Variants in ESYT2 observed in about 807,000 individuals in gnomAD.
ESYT2 encodes extended synaptotagmin-2.
In ESYT2, 54 loss-of-function variants were observed where a neutral mutation model predicts 107.2. The observed-to-expected ratio is 0.50, with a 90% CI of 0.40 to 0.63. The LOEUF (loss-of-function observed/expected upper bound fraction) is 0.63, where lower values mean the gene tolerates loss of function less well. ESYT2 is among the 30% of genes least tolerant of loss of function. ESYT2 has a pLI of 0.00. For synonymous variants in ESYT2, 491 were observed against 434.1 expected, an observed-to-expected ratio of 1.13 and a Z score of -1.63; for missense variants, 1,020 against 1,094.5, an observed-to-expected ratio of 0.93 and a Z score of 0.96.
chr7:158,763,781 T>C (rs538581766), intron 9 of ESYT2, among the ~76,000 whole-genome samples: 1 of 152,152 alleles, frequency 6.6e-6, no homozygotes, highest in East Asian at 1.9e-4. Flanking sequence ...ACCCACAAGC[T>C]TGGTGCAAGG....
chr7:158,766,226 T>TC (rs1236714740), intron 8 of ESYT2, among the ~76,000 whole-genome samples: 1 of 151,994 alleles, frequency 6.6e-6, no homozygotes, highest in Non-Finnish European at 1.5e-5. Context: ...GGAATACATG[T>TC]CCCCCCACAG....
intron 1 of ESYT2, among the ~76,000 whole-genome samples, chr7:158,821,996 C>T (rs1348862495): frequency 6.6e-6 from 1 of 152,078 alleles, no homozygotes; most frequent in Non-Finnish European, 1.5e-5. Context: ...CACCACAGCC[C>T]GCCTCCCAGG....
intron 3 of ESYT2, among the ~76,000 whole-genome samples, chr7:158,796,292 T>A (rs1336001376): frequency 6.6e-6 from 1 of 152,142 alleles, no homozygotes; most frequent in African/African-American, 2.4e-5. Flanking sequence ...CTTCCCATGA[T>A]CAACTAAATG....
In ESYT2 at chr7:158,767,663, AG is replaced by A. The variant is rs1563638313; in HGVS notation, c.914del (p.Pro305LeufsTer7). ...GCCGGGACACGCTTACCTTTGGTACAGGAAACCGCAACTGAGCTATTTGAAC... is the reference window on the plus strand; with the variant it reads ...GCCGGGACACGCTTACCTTTGGTACAGAAACCGCAACTGAGCTATTTGAAC... The part of the protein sequence containing the change: ...SEVQIAQLRF[P>X]VPKGVLRIHF... On this transcript the variant is annotated frameshift_variant, in exon 8 of 23. Coordinates refer to ENST00000275418, the MANE Select transcript of ESYT2 (RefSeq NM_001367773.1). LOFTEE classifies it high-confidence loss of function. The A allele has an allele frequency of 1.2e-6, 2 of 1,612,088 alleles. No individual in the cohort carries two copies. Among genetic ancestry groups the A allele is most frequent in the Non-Finnish European group, 1.7e-6 (2 of 1,179,008 alleles).
At chr7:158,742,541 A>G (rs578121405) in intron 17 of ESYT2, among the ~76,000 whole-genome samples, 257 of 152,342 alleles carry the variant, frequency 1.7e-3, no homozygotes, top group Non-Finnish European at 3.0e-3. Flanking sequence ...CGGCGTCCCC[A>G]GAGGGAGGAA....
At chr7:158,799,152 T>C (rs1451095554) in intron 1 of ESYT2, 80 bp from the exon 2 acceptor site, 3 of 1,226,418 alleles carry the variant, frequency 2.4e-6, no homozygotes, top group Non-Finnish European at 3.6e-6. Context: ...TTTCATATTC[T>C]CATCATACGT....
rs143582035 is a variant in ESYT2 at position 158,776,237 on chromosome 7, G to A, written c.748-2841C>T. ...TAAGGGCCCAAGGGTCTTCAGAATG[G>A]GAAATGAGTGCTTACTTCAACTTAA... On this transcript the variant is annotated intron_variant, in intron 6 of 22. Transcript: ENST00000275418. Among the ~76,000 whole-genome samples the A allele has an allele frequency of 7.2e-5, 11 of 152,250 alleles. No homozygotes were observed. The East Asian group carries it at 2.1e-3, about 30-fold the overall frequency.
chr7:158,742,531 C>T (rs1237733359), intron 17 of ESYT2, among the ~76,000 whole-genome samples: 4 of 152,236 alleles, frequency 2.6e-5, no homozygotes, highest in South Asian at 2.1e-4. Flanking sequence ...GGTTTCCACC[C>T]GGCGTCCCCA....
chr7:158,749,760 A>C, intron 14 of ESYT2, 37 bp from the exon 15 acceptor site: 1 of 1,592,296 alleles, frequency 6.3e-7, no homozygotes. Flanking sequence ...AAAATAAATA[A>C]ACACATTTTA....
chr7:158,816,916 A>G (rs541515542), intron 1 of ESYT2, among the ~76,000 whole-genome samples: 1 of 152,260 alleles, frequency 6.6e-6, no homozygotes, highest in Non-Finnish European at 1.5e-5. Context: ...ATATTAATGT[A>G]GACGGTGTTA....
chr7:158,817,360 G>A (rs1284207498), intron 1 of ESYT2, among the ~76,000 whole-genome samples: 1 of 152,226 alleles, frequency 6.6e-6, no homozygotes, highest in Non-Finnish European at 1.5e-5. Context: ...AGGTAATCCA[G>A]ACATTCCTTT....
chr7:158,781,034 G>C (rs1361620615), intron 6 of ESYT2, among the ~76,000 whole-genome samples: 1 of 152,260 alleles, frequency 6.6e-6, no homozygotes, highest in Non-Finnish European at 1.5e-5. Context: ...AAGAAAATAA[G>C]TGTGAGAATA....
chr7:158,793,743 CTTA>C lies in ESYT2; in HGVS notation c.508-20_508-18del, dbSNP rs1839377685. On this transcript the variant is annotated intron_variant, in intron 3 of 22. Coordinates refer to ENST00000275418, the MANE Select transcript of ESYT2 (RefSeq NM_001367773.1). Reference sequence around the variant, plus strand: ...CCTGAGGGGCTGAAATAAGAAGTAGCTTATTTTAAGATACAGAGGTTAAAAAAA... The same window carrying C: ...CCTGAGGGGCTGAAATAAGAAGTAGCTTTTAAGATACAGAGGTTAAAAAAA... 2 of 1,601,710 alleles carry C rather than the reference CTTA, an allele frequency of 1.2e-6. No homozygotes were observed. The highest frequency in any genetic ancestry group is 2.7e-5 in the African/African-American group (2 of 74,588).
intron 3 of ESYT2, 135 bp downstream of exon 3, chr7:158,797,807 T>C (rs572472938): frequency 5.1e-6 from 6 of 1,178,372 alleles, no homozygotes; most frequent in South Asian, 1.6e-5. Context: ...TGAGCCAAGA[T>C]AGTGCCACTG....
Position 158,829,343 on chromosome 7 carries a change from C to CG in ESYT2, c.75dup (p.Gly26ArgfsTer92). The CG allele has an allele frequency of 7.0e-7, 1 of 1,425,542 alleles. No individual in the cohort carries two copies. Among genetic ancestry groups the CG allele is most frequent in the Non-Finnish European group, 9.1e-7 (1 of 1,094,218 alleles). 88.3% of individuals were successfully genotyped at this position (1,425,542 alleles called of 1,614,324 possible). A position where few individuals can be genotyped will look rare whatever the true frequency, so the allele number is the denominator to read the frequency against. On this transcript the variant is annotated frameshift_variant, in exon 1 of 23. Transcript: ENST00000275418. LOFTEE classifies it high-confidence loss of function. ...GGCAGCTCCACGCTCAGCACGCCCC[C>CG]GGGGTTCTCAGGCGCCGCGCGGCCC...
intron 21 of ESYT2, among the ~76,000 whole-genome samples, chr7:158,735,114 C>T (rs1349094411): frequency 1.3e-5 from 2 of 152,228 alleles, no homozygotes; most frequent in Admixed American, 1.3e-4. Flanking sequence ...ATCTCTTCCT[C>T]CCCAACTGAA....
chr7:158,755,408 A>G (rs73519522), intron 13 of ESYT2, among the ~76,000 whole-genome samples: 1,995 of 152,312 alleles, frequency 0.013, 49 homozygotes, highest in African/African-American at 0.045. Flanking sequence ...GCTGCAGGAA[A>G]GCTGATTTTG....
intron 1 of ESYT2, among the ~76,000 whole-genome samples, chr7:158,806,379 C>T (rs558833440): frequency 1.3e-5 from 2 of 152,322 alleles, no homozygotes; most frequent in South Asian, 2.1e-4. Context: ...CCTAAGAGAA[C>T]GTACCCTGAA....
chr7:158,803,239 T>TGGCTAGTTCTAC (rs1049149778), intron 1 of ESYT2, among the ~76,000 whole-genome samples: 1 of 152,266 alleles, frequency 6.6e-6, no homozygotes, highest in African/African-American at 2.4e-5. Context: ...CTACACCACT[T>TGGCTAGTTCTAC]GGCTAGTTCT....
Sources: gnomAD v4.1 joint callset for allele counts (sites outside exome capture counted in the v4.1 genomes callset) on GRCh38, gnomAD v4.1.1 for gene constraint, MANE v1.5 for transcripts, NCBI Gene and HGNC (gene_info 2026-07-23, HGNC 2026-07-21) for gene names.